SLC4A4: variants seen among roughly 807,000 people sequenced by gnomAD.
The protein encoded by SLC4A4 is solute carrier family 4 member 4.
Under a neutral mutation model 111.5 loss-of-function variants are expected in SLC4A4, and 27 were observed. That is an observed-to-expected ratio of 0.24 (90% CI 0.18 to 0.33). The LOEUF is 0.33. SLC4A4 is among the 10% of genes least tolerant of loss of function. The pLI is 1.00. For synonymous variants in SLC4A4, 443 were observed against 463.4 expected, an observed-to-expected ratio of 0.96 and a Z score of 0.57; for missense variants, 909 against 1,315.5, an observed-to-expected ratio of 0.69 and a Z score of 4.78.
intron 12 of SLC4A4, among the ~76,000 whole-genome samples, chr4:71,460,869 A>G (rs577106298): frequency 2.0e-5 from 3 of 152,272 alleles, no homozygotes; most frequent in Non-Finnish European, 4.4e-5. Flanking sequence ...ATAAAGAATC[A>G]GTATTTTTTT....
At chr4:71,163,300 G>A (rs550590731) in intron 2 of SLC4A4, among the ~76,000 whole-genome samples, 19 of 152,170 alleles carry the variant, frequency 1.2e-4, no homozygotes, top group Non-Finnish European at 2.5e-4. Flanking sequence ...TGCTTCCAAG[G>A]AGTGTGCCCC....
intron 3 of SLC4A4, among the ~76,000 whole-genome samples, chr4:71,271,634 A>G (rs1722707099): frequency 1.3e-5 from 2 of 152,356 alleles, no homozygotes; most frequent in Non-Finnish European, 1.5e-5. Flanking sequence ...AAGGAAAAAC[A>G]TGCTACAGAG....
At chr4:71,144,792 G>C (rs1476840432) in intron 2 of SLC4A4, among the ~76,000 whole-genome samples, 1 of 152,194 alleles carries the variant, frequency 6.6e-6, no homozygotes, top group Non-Finnish European at 1.5e-5. Flanking sequence ...TTTGCACATT[G>C]ATTTTGTATC....
At chr4:71,416,468 A>G (rs1721834834) in intron 7 of SLC4A4, among the ~76,000 whole-genome samples, 1 of 152,186 alleles carries the variant, frequency 6.6e-6, no homozygotes, top group Non-Finnish European at 1.5e-5. Flanking sequence ...ATCTTATTGT[A>G]CTGAGTTCAC....
chr4:71,194,433 C>G (rs370226721), intron 1 of SLC4A4, among the ~76,000 whole-genome samples: 2 of 152,056 alleles, frequency 1.3e-5, no homozygotes, highest in African/African-American at 2.4e-5. Flanking sequence ...TTTCTTAAAC[C>G]GTTACTCTGA....
chr4:71,552,161 C>T (rs1265992474), intron 20 of SLC4A4, among the ~76,000 whole-genome samples: 2 of 151,790 alleles, frequency 1.3e-5, no homozygotes, highest in Non-Finnish European at 2.9e-5. Flanking sequence ...GAATGAGGCC[C>T]TGGACTAGAT....
intron 2 of SLC4A4, among the ~76,000 whole-genome samples, chr4:71,150,967 A>G (rs986172211): frequency 1.6e-4 from 25 of 152,350 alleles, no homozygotes; most frequent in African/African-American, 6.0e-4. Context: ...TTGTTCTTGC[A>G]TGATTTTCAT....
chr4:71,427,595 G>A (rs745810380), intron 7 of SLC4A4, among the ~76,000 whole-genome samples: 1 of 151,900 alleles, frequency 6.6e-6, no homozygotes, highest in African/African-American at 2.4e-5. Context: ...CTTGTCTTCT[G>A]TTATGTCTAA....
intron 6 of SLC4A4, among the ~76,000 whole-genome samples, chr4:71,388,460 G>A (rs896549272): frequency 1.6e-4 from 24 of 152,216 alleles, no homozygotes; most frequent in Middle Eastern, 6.8e-3. Context: ...GATTTTGTAT[G>A]CCTTATTAAT....
At chr4:71,534,182 A>C in intron 17 of SLC4A4, 45 bp from the exon 18 acceptor site, 1 of 1,592,872 alleles carries the variant, frequency 6.3e-7, no homozygotes, top group Non-Finnish European at 8.6e-7. Context: ...AATAGTATAT[A>C]TTAACCTGAT....
rs1053562609 is a variant in SLC4A4, at chr4:71,511,942, T to C, written c.2166+14250T>C. Among the ~76,000 whole-genome samples the C allele has an allele frequency of 3.3e-5, 5 of 152,310 alleles. No homozygotes were observed. In the East Asian group the frequency reaches 7.7e-4, roughly 24 times the overall value. ...TTTATCCATGTTGCTGAAAATGACA[T>C]TATTTAATTCTTTTTATGGCTACAT... On this transcript the variant is annotated intron_variant, in intron 16 of 25. Transcript: ENST00000264485.
intron 3 of SLC4A4, among the ~76,000 whole-genome samples, chr4:71,316,051 G>A (rs987796115): frequency 6.6e-6 from 1 of 152,124 alleles, no homozygotes; most frequent in Non-Finnish European, 1.5e-5. Context: ...GAGCCAGTTG[G>A]AGGTAGCATA....
At chr4:71,421,935 G>A (rs1722555021) in intron 7 of SLC4A4, among the ~76,000 whole-genome samples, 1 of 152,054 alleles carries the variant, frequency 6.6e-6, no homozygotes. Context: ...AACTAGAAAA[G>A]CAAGAGCAAA....
At chr4:71,199,801 C>G (rs866144054) in intron 1 of SLC4A4, among the ~76,000 whole-genome samples, 1 of 152,098 alleles carries the variant, frequency 6.6e-6, no homozygotes, top group African/African-American at 2.4e-5. Flanking sequence ...CAGGAGCGCA[C>G]CACCATGCCT....
intron 14 of SLC4A4, among the ~76,000 whole-genome samples, chr4:71,481,424 C>G (rs1277397872): frequency 6.6e-6 from 1 of 151,572 alleles, no homozygotes; most frequent in African/African-American, 2.4e-5. Context: ...AGGGGAAGAA[C>G]CTTTAACAGT....
At chr4:71,313,213 A>G (rs1353460777) in intron 3 of SLC4A4, among the ~76,000 whole-genome samples, 1 of 152,216 alleles carries the variant, frequency 6.6e-6, no homozygotes, top group East Asian at 1.9e-4. Context: ...GAGGAATACA[A>G]CTTACAAGGG....
At chr4:71,202,198 C>T (rs901546152) in intron 1 of SLC4A4, among the ~76,000 whole-genome samples, 5 of 152,130 alleles carry the variant, frequency 3.3e-5, no homozygotes, top group Non-Finnish European at 5.9e-5. Flanking sequence ...CATTCATTTC[C>T]GTATTTAAAT....
At position 71,179,158 on chromosome 4, in the gene SLC4A4, T is replaced by TG. The variant is rs1342595573; in HGVS notation, c.-1-57418_-1-57417insG. Among the ~76,000 whole-genome samples the TG allele has an allele frequency of 4.9e-3, 750 of 152,270 alleles. 7 individuals are homozygous for TG. The highest frequency in any genetic ancestry group is 0.017 in the African/African-American group (718 of 41,534). On this transcript the variant is annotated intron_variant, in intron 2 of 26. Transcript: ENST00000649996. ...GGCCTTTGACAAAATTCAACAATGC[T>TG]TCATGCTAAAAACTCTCAATAAATT...
At chr4:71,311,455 C>T (rs1726155359) in intron 3 of SLC4A4, among the ~76,000 whole-genome samples, 1 of 152,144 alleles carries the variant, frequency 6.6e-6, no homozygotes, top group Non-Finnish European at 1.5e-5. Context: ...TAAAACACTC[C>T]TTAGCAAATG....
Sources: gnomAD v4.1 joint callset for allele counts (sites outside exome capture counted in the v4.1 genomes callset) on GRCh38, gnomAD v4.1.1 for gene constraint, MANE v1.5 for transcripts, NCBI Gene and HGNC (gene_info 2026-07-23, HGNC 2026-07-21) for gene names.